PDE11A: variants seen among roughly 807,000 people sequenced by gnomAD.
PDE11A encodes the protein dual 3',5'-cyclic-AMP and -GMP phosphodiesterase 11A.
In PDE11A, 100 loss-of-function variants were observed where a neutral mutation model predicts 100.5. The observed-to-expected ratio is 1.00, with a 90% CI of 0.85 to 1.18. PDE11A has a LOEUF of 1.18. PDE11A is among the 50% of genes most tolerant of loss of function. The probability of loss-of-function intolerance (pLI) is 0.00; values close to 1 mark genes in which losing one functional copy is unlikely to be tolerated. For missense variants in PDE11A, 1,141 were observed against 1,152.6 expected (o/e 0.99, Z 0.15); for synonymous variants, 381 against 420.8 (o/e 0.91, Z 1.16).
rs2086981580 is a variant in PDE11A at position 178,062,275 on chromosome 2, G to C, written c.912+9251C>G. On this transcript the variant is annotated intron_variant, in intron 1 of 19. Transcript: ENST00000286063. ...GCTAGGGCTGTCTTGGGCTTTCAAA[G>C]CCAATGATCAAAGATGGGGAAGTGA... Among the ~76,000 whole-genome samples the C allele has an allele frequency of 2.0e-5, 3 of 149,778 alleles. No homozygotes were observed. In the South Asian group the frequency reaches 6.3e-4, roughly 31 times the overall value.
chr2:178,012,715 T>C (rs1389210113), intron 2 of PDE11A, among the ~76,000 whole-genome samples: 5 of 152,172 alleles, frequency 3.3e-5, no homozygotes, highest in Non-Finnish European at 5.9e-5. Context: ...AAAACAAATC[T>C]AACATAAATG....
chr2:177,869,022 A>G (rs2084078163), intron 5 of PDE11A, among the ~76,000 whole-genome samples: 1 of 152,178 alleles, frequency 6.6e-6, no homozygotes, highest in Admixed American at 6.5e-5. Flanking sequence ...TCATCAGCTC[A>G]CCTGTCATTC....
chr2:177,914,151 T>C (rs1283926517), intron 2 of PDE11A, among the ~76,000 whole-genome samples: 3 of 152,204 alleles, frequency 2.0e-5, no homozygotes, highest in South Asian at 4.1e-4. Flanking sequence ...TTGTTGGTTG[T>C]CTGTATTTTA....
chr2:177,740,048 C>G (rs1257535283), intron 10 of PDE11A, among the ~76,000 whole-genome samples: 1 of 152,162 alleles, frequency 6.6e-6, no homozygotes, highest in Non-Finnish European at 1.5e-5. Context: ...GTACACACTT[C>G]GTTTTTAATC....
intron 9 of PDE11A, among the ~76,000 whole-genome samples, chr2:177,769,829 A>C (rs1446588367): frequency 6.8e-6 from 1 of 146,616 alleles, no homozygotes; most frequent in African/African-American, 2.5e-5. Context: ...TCGAGGCTGC[A>C]GTGAGCTGAG....
At chr2:178,089,771 G>C (rs1247627579) in intron 2 of PDE11A, among the ~76,000 whole-genome samples, 2 of 152,168 alleles carry the variant, frequency 1.3e-5, no homozygotes, top group Non-Finnish European at 2.9e-5. Flanking sequence ...TACTTGGAAA[G>C]AAAGCTGCAA....
chr2:178,003,845 G>A (rs2086173018), intron 2 of PDE11A, among the ~76,000 whole-genome samples: 1 of 152,040 alleles, frequency 6.6e-6, no homozygotes. Context: ...CTATAGAACA[G>A]CAATTTAATA....
chr2:177,856,799 C>T (rs75311954), intron 5 of PDE11A, among the ~76,000 whole-genome samples: 2,854 of 152,048 alleles, frequency 0.019, 54 homozygotes, highest in South Asian at 0.046. Flanking sequence ...GTCTCAGTAA[C>T]ATGTGGGATA....
At chr2:177,770,005 C>T (rs1558929753) in intron 9 of PDE11A, among the ~76,000 whole-genome samples, 2 of 151,626 alleles carry the variant, frequency 1.3e-5, no homozygotes, top group Admixed American at 6.6e-5. Context: ...CATGTGTGTG[C>T]GATCTGTAGC....
chr2:177,931,680 C>T (rs35758079), intron 2 of PDE11A, among the ~76,000 whole-genome samples: 13,170 of 151,994 alleles, frequency 0.087, 545 homozygotes, highest in South Asian at 0.1. Flanking sequence ...TAGCACTAAA[C>T]GTCTACCTCA....
chr2:177,923,591 G>A (rs557872025), intron 2 of PDE11A, among the ~76,000 whole-genome samples: 2 of 152,282 alleles, frequency 1.3e-5, no homozygotes, highest in African/African-American at 4.8e-5. Context: ...GACTTAGCCA[G>A]AACTTAGCCA....
At chr2:177,916,128 T>C (rs2084950023) in intron 2 of PDE11A, among the ~76,000 whole-genome samples, 1 of 152,238 alleles carries the variant, frequency 6.6e-6, no homozygotes, top group African/African-American at 2.4e-5. Context: ...TCTACGTTTC[T>C]GACACTCATG....
At chr2:178,097,174 C>T (rs965365213) in intron 2 of PDE11A, among the ~76,000 whole-genome samples, 4 of 152,214 alleles carry the variant, frequency 2.6e-5, no homozygotes, top group African/African-American at 9.6e-5. Flanking sequence ...GTGTGAGCCA[C>T]CGTGCTCGGC....
At chr2:177,630,621 C>A (rs1298817378) in intron 19 of PDE11A, among the ~76,000 whole-genome samples, 7 of 152,200 alleles carry the variant, frequency 4.6e-5, no homozygotes, top group Admixed American at 1.3e-4. Flanking sequence ...GAAAATTCCA[C>A]TATTCTCTAC....
chr2:177,923,967 G>T (rs1436124833), intron 2 of PDE11A, among the ~76,000 whole-genome samples: 2 of 152,072 alleles, frequency 1.3e-5, no homozygotes, highest in African/African-American at 4.8e-5. Context: ...TCTGTAAGAG[G>T]TCTAAGATAA....
chr2:177,838,326 TTTC>T (rs1367210839), intron 6 of PDE11A, among the ~76,000 whole-genome samples: 1 of 152,242 alleles, frequency 6.6e-6, no homozygotes, highest in African/African-American at 2.4e-5. Context: ...ACTACTAGAT[TTTC>T]TTCTGTCTGT....
At chr2:178,062,019 C>T (rs1346156763) in intron 1 of PDE11A, among the ~76,000 whole-genome samples, 2 of 152,126 alleles carry the variant, frequency 1.3e-5, no homozygotes, top group East Asian at 3.8e-4. Flanking sequence ...TTTAAAACTC[C>T]TTTCTATCTA....
chr2:177,636,451 G>A (rs2080040015), intron 19 of PDE11A, among the ~76,000 whole-genome samples: 1 of 152,180 alleles, frequency 6.6e-6, no homozygotes, highest in Admixed American at 6.5e-5. Context: ...TGTTTTCAGT[G>A]TGTTTCATGG....
intron 19 of PDE11A, among the ~76,000 whole-genome samples, chr2:177,642,143 T>C (rs1025789073): frequency 6.6e-6 from 1 of 152,222 alleles, no homozygotes; most frequent in Non-Finnish European, 1.5e-5. Context: ...CATTTCTAGA[T>C]AGGAATTGCC....
Sources: allele counts gnomAD v4.1 joint callset (sites outside exome capture counted in the v4.1 genomes callset), GRCh38; gene constraint gnomAD v4.1.1; transcripts MANE v1.5; gene names NCBI Gene and HGNC (gene_info 2026-07-23, HGNC 2026-07-21).